MAT1A: variants seen among roughly 807,000 people sequenced by gnomAD.
MAT1A encodes the protein S-adenosylmethionine synthase isoform type-1.
MAT1A carries 19 observed loss-of-function variants against 44.0 expected under a neutral mutation model. The observed-to-expected ratio is 0.43, with a 90% CI of 0.30 to 0.63. The LOEUF is 0.63. MAT1A is among the 30% of genes least tolerant of loss of function. The probability of loss-of-function intolerance (pLI) is 0.12; values close to 1 mark genes in which losing one functional copy is unlikely to be tolerated. For synonymous variants in MAT1A, 205 were observed against 205.6 expected, an observed-to-expected ratio of 1.00 and a Z score of 0.03; for missense variants, 397 against 531.0, an observed-to-expected ratio of 0.75 and a Z score of 2.48.
At chr10:80,284,102 C>T in intron 2 of MAT1A, 64 bp from the exon 3 acceptor site, 1 of 1,592,284 alleles carries the variant, frequency 6.3e-7, no homozygotes, top group Non-Finnish European at 8.6e-7. Flanking sequence ...AGCTCACATT[C>T]CCAGACCTCT....
Position 80,273,447 on chromosome 10 carries a change from G to A in MAT1A, c.*334C>T. 1 of 352,854 alleles carries A rather than the reference G, an allele frequency of 2.8e-6. No homozygotes were observed. The highest frequency in any genetic ancestry group is 5.5e-6 in the Non-Finnish European group (1 of 181,232). The allele number at this position is 352,854 out of a possible 1,614,324, so 21.9% of individuals were successfully genotyped here. A position where few individuals can be genotyped will look rare whatever the true frequency, so the allele number is the denominator to read the frequency against. ...CACCTGGCACAGGCAAGGGGAGGGAGGGGGAGCTGGTCAGGGTCCAGCTGT... is the reference window on the plus strand; with the variant it reads ...CACCTGGCACAGGCAAGGGGAGGGAAGGGGAGCTGGTCAGGGTCCAGCTGT... On this transcript the variant is annotated 3_prime_UTR_variant, in exon 9 of 9. Transcript: ENST00000372213.
chr10:80,273,127 C>T lies in MAT1A; in HGVS notation c.*654G>A, dbSNP rs1841431627. The T allele has an allele frequency of 6.5e-6, 1 of 153,388 alleles. No individual in the cohort carries two copies. Among genetic ancestry groups the T allele is most frequent in the East Asian group, 1.9e-4 (1 of 5,202 alleles). The allele number at this position is 153,388 out of a possible 1,614,324, so 9.5% of individuals were successfully genotyped here. A position where few individuals can be genotyped will look rare whatever the true frequency, so the allele number is the denominator to read the frequency against. On this transcript the variant is annotated 3_prime_UTR_variant, in exon 9 of 9. Coordinates refer to ENST00000372213, the MANE Select transcript of MAT1A (RefSeq NM_000429.3). ...AGGTCTAAACACGTGGCTGTGGGAC[C>T]CTGTGGAAGTTATCCAGACTCTCTG...
chr10:80,280,592 G>T, intron 4 of MAT1A, 88 bp downstream of exon 4: 1 of 1,220,976 alleles, frequency 8.2e-7, no homozygotes, highest in Non-Finnish European at 1.2e-6. Context: ...GCTAGGACAA[G>T]AATCCACCCC....
At position 80,284,025 on chromosome 10, in the gene MAT1A, C is replaced by T. The variant is rs759429143; in HGVS notation, c.183G>A (p.Lys61=). 7 of 1,614,172 alleles carry T rather than the reference C, an allele frequency of 4.3e-6. No homozygotes were observed. The Admixed American group carries it at 1.2e-4, about 27-fold the overall frequency. The change falls in exon 3 of 9, where the codon AAG becomes AAA. Residue 61 remains lysine (K), a synonymous_variant. Transcript: ENST00000372213. ...CACCACACAGCAGCACCATGCCGGT[C>T]TTGCACACTGTCTCTGAAAGGGAGC... ...NAKVACETVC[K]TGMVLLCGEI...
intron 7 of MAT1A, 97 bp from the exon 8 acceptor site, chr10:80,274,750 A>G: frequency 6.5e-7 from 1 of 1,532,968 alleles, no homozygotes; most frequent in Non-Finnish European, 8.9e-7. Flanking sequence ...AGCGGGGACC[A>G]CATGCCTCTT....
At chr10:80,282,366 G>A (rs1841578182) in intron 3 of MAT1A, among the ~76,000 whole-genome samples, 1 of 152,204 alleles carries the variant, frequency 6.6e-6, no homozygotes, top group Non-Finnish European at 1.5e-5. Flanking sequence ...ACTGAGCACA[G>A]GTAAATGGAC....
chr10:80,276,684 C>T, intron 5 of MAT1A, 90 bp from the exon 6 acceptor site: 1 of 1,294,278 alleles, frequency 7.7e-7, no homozygotes. Context: ...AGGAGGTGGG[C>T]AGGGCTCCCA....
In MAT1A at chr10:80,276,457, G is replaced by A. The variant is rs145297890; in HGVS notation, c.687C>T (p.Ala229=). Residue 229 remains alanine (A), a synonymous_variant, in exon 6 of 9, where the codon GCC becomes GCT. Coordinates refer to ENST00000372213, the MANE Select transcript of MAT1A (RefSeq NM_000429.3). ...RRALKEQVIR[A]VVPAKYLDED... is the part of the protein sequence containing the mutation. ...CGTCCAGGTACTTGGCCGGCACCAC[G>A]GCCCTGATGACTTGCTCCTTCAGGG... 64 of 1,614,180 alleles carry A rather than the reference G, an allele frequency of 4.0e-5. No homozygotes were observed. The highest frequency in any genetic ancestry group is 5.0e-5 in the Non-Finnish European group (59 of 1,180,046).
Position 80,274,637 on chromosome 10 carries a change from C to G in MAT1A, c.968G>C (p.Gly323Ala). The G allele has an allele frequency of 6.2e-7, 1 of 1,614,158 alleles. No individual in the cohort carries two copies. Among genetic ancestry groups the G allele is most frequent in the Non-Finnish European group, 8.5e-7 (1 of 1,180,006 alleles). Residue 323 changes from glycine to alanine, a missense_variant, in exon 8 of 9, where the codon GGT becomes GCT. Gly to Ala is a moderately conservative substitution (Grantham distance 60, BLOSUM62 0). Coordinates refer to ENST00000372213, the MANE Select transcript of MAT1A (RefSeq NM_000429.3). ...RVLVQVSYAI[G>A]VAEPLSISIF... Reference sequence around the variant, plus strand: ...GGAAATGGACAGCGGCTCGGCCACACCAATGGCATAGGAAACCTTCCAGCA... The same window carrying G: ...GGAAATGGACAGCGGCTCGGCCACAGCAATGGCATAGGAAACCTTCCAGCA...
At chr10:80,281,488 T>A (rs972241732) in intron 3 of MAT1A, among the ~76,000 whole-genome samples, 3 of 151,142 alleles carry the variant, frequency 2.0e-5, no homozygotes, top group African/African-American at 7.3e-5. Flanking sequence ...GCCCTGGGAG[T>A]CCCATGAGGA....
chr10:80,273,349 G>A lies in MAT1A; in HGVS notation c.*432C>T, dbSNP rs1031885970. The A allele has an allele frequency of 1.9e-5, 5 of 264,556 alleles. No homozygotes were observed. Among genetic ancestry groups the A allele is most frequent in the Non-Finnish European group, 3.7e-5 (5 of 134,956 alleles). 16.4% of individuals were successfully genotyped at this position (264,556 alleles called of 1,614,324 possible). On this transcript the variant is annotated 3_prime_UTR_variant, in exon 9 of 9. Coordinates refer to ENST00000372213, the MANE Select transcript of MAT1A (RefSeq NM_000429.3). ...CTGGAGACCCTGGCTCAGGGCACTG[G>A]CTGCCTGTGAAAGGGGGGTCCAGGA...
intron 2 of MAT1A, 26 bp from the exon 3 acceptor site, chr10:80,284,064 A>G: frequency 6.2e-7 from 1 of 1,612,684 alleles, no homozygotes. Context: ...GAGCGAGGAG[A>G]GTTAGCAGCC....
In MAT1A at chr10:80,273,573, A is replaced by G; in HGVS notation, c.*208T>C. 1.7e-6 allele frequency: 1 copy of G among 593,788 alleles called. No individual in the cohort carries two copies. Among genetic ancestry groups the G allele is most frequent in the Non-Finnish European group, 3.0e-6 (1 of 331,118 alleles). The allele number at this position is 593,788 out of a possible 1,614,324, so 36.8% of individuals were successfully genotyped here. On this transcript the variant is annotated 3_prime_UTR_variant, in exon 9 of 9. Coordinates refer to ENST00000372213, the MANE Select transcript of MAT1A (RefSeq NM_000429.3). ...GGAGCAGCAGGAGAACACCATGCCCATCCTTACATCAAGATCCAACCTCCA... is the reference window on the plus strand; with the variant it reads ...GGAGCAGCAGGAGAACACCATGCCCGTCCTTACATCAAGATCCAACCTCCA...
intron 5 of MAT1A, among the ~76,000 whole-genome samples, chr10:80,278,404 G>C (rs1307953137): frequency 6.6e-6 from 1 of 152,128 alleles, no homozygotes; most frequent in East Asian, 1.9e-4. Flanking sequence ...AGAGCCACTG[G>C]CTACCTCCCC....
In MAT1A at chr10:80,276,503, G is replaced by A. The variant is rs754347805; in HGVS notation, c.641C>T (p.Thr214Met). 218 of 1,614,040 alleles carry A rather than the reference G, an allele frequency of 1.4e-4. No homozygotes were observed. Among genetic ancestry groups the A allele is most frequent in the Non-Finnish European group, 1.7e-4 (202 of 1,180,048 alleles). The stretch of plus-strand genomic sequence containing the variant: ...CAGGGCCCTGCGCATCTCCTCCAGC[G>A]TGATGTCTTCGTTGTGCTGCACAGA... The part of the protein sequence containing the change: ...VISVQHNEDI[T>M]LEEMRRALKE... Residue 214 changes from threonine (T) to methionine (M), a missense_variant, in exon 6 of 9, where the codon ACG becomes ATG. Coordinates refer to ENST00000372213, the MANE Select transcript of MAT1A (RefSeq NM_000429.3).
At chr10:80,289,278 CT>C in intron 1 of MAT1A, 54 bp downstream of exon 1, 1 of 1,400,234 alleles carries the variant, frequency 7.1e-7, no homozygotes. Context: ...AAGTGACTCC[CT>C]CAGTATAGGC....
intron 4 of MAT1A, 131 bp from the exon 5 acceptor site, chr10:80,280,447 G>T: frequency 1.7e-6 from 2 of 1,206,332 alleles, no homozygotes; most frequent in South Asian, 1.3e-5. Context: ...CCACTGGCAT[G>T]TGCAGGGGAA....
At chr10:80,276,840 G>A (rs1230178261) in intron 5 of MAT1A, among the ~76,000 whole-genome samples, 2 of 152,226 alleles carry the variant, frequency 1.3e-5, no homozygotes, top group African/African-American at 4.8e-5. Flanking sequence ...AGCACTGCTT[G>A]GAGACTTGAG....
Position 80,273,698 on chromosome 10 carries a change from C to G in MAT1A, c.*83G>C, listed in dbSNP as rs987081828. The stretch of plus-strand genomic sequence containing the variant: ...CCTGAGGGTTGGTGGGTGGGGAAGG[C>G]GATCAGCAGCCAGGCGTCTGGGGAA... On this transcript the variant is annotated 3_prime_UTR_variant, in exon 9 of 9. Coordinates refer to ENST00000372213, the MANE Select transcript of MAT1A (RefSeq NM_000429.3). 1 of 998,134 alleles carries G rather than the reference C, an allele frequency of 1.0e-6. No homozygotes were observed. Among genetic ancestry groups the G allele is most frequent in the Non-Finnish European group, 1.6e-6 (1 of 621,208 alleles). 61.8% of individuals were successfully genotyped at this position (998,134 alleles called of 1,614,324 possible).
Sources: gnomAD v4.1 joint callset for allele counts (sites outside exome capture counted in the v4.1 genomes callset) on GRCh38, gnomAD v4.1.1 for gene constraint, MANE v1.5 for transcripts, NCBI Gene and HGNC (gene_info 2026-07-23, HGNC 2026-07-21) for gene names.